PCSK2: variants seen among roughly 807,000 people sequenced by gnomAD.
PCSK2 encodes the protein proprotein convertase subtilisin/kexin type 2, also known as neuroendocrine convertase 2.
A neutral mutation model predicts 69.7 loss-of-function variants in PCSK2; 14 were observed. That is an observed-to-expected ratio of 0.20 (90% CI 0.13 to 0.31). PCSK2 has a LOEUF of 0.31. PCSK2 is among the 10% of genes least tolerant of loss of function. The pLI is 1.00. For missense variants in PCSK2, 544 were observed against 842.5 expected (o/e 0.65, Z 4.39); for synonymous variants, 307 against 320.7 (o/e 0.96, Z 0.46).
chr20:17,378,241 C>T (rs943617264), intron 5 of PCSK2, among the ~76,000 whole-genome samples: 5 of 152,172 alleles, frequency 3.3e-5, no homozygotes, highest in African/African-American at 1.2e-4. Context: ...AAGAATGCAG[C>T]TCACCACATG....
intron 8 of PCSK2, among the ~76,000 whole-genome samples, chr20:17,448,395 T>G (rs1454176875): frequency 6.6e-6 from 1 of 152,208 alleles, no homozygotes; most frequent in East Asian, 1.9e-4. Flanking sequence ...GAATGTCACC[T>G]TAGCTGACGG....
chr20:17,418,379 C>T (rs558465378), intron 6 of PCSK2, among the ~76,000 whole-genome samples: 101 of 152,142 alleles, frequency 6.6e-4, no homozygotes, highest in African/African-American at 2.4e-3. Context: ...GAATGTATCC[C>T]AGGGCAAGGA....
At chr20:17,407,123 A>T (rs2031769712) in intron 5 of PCSK2, among the ~76,000 whole-genome samples, 4 of 152,120 alleles carry the variant, frequency 2.6e-5, no homozygotes, top group African/African-American at 7.2e-5. Flanking sequence ...GGAATGCAGG[A>T]TGGAGCTGCC....
At chr20:17,365,679 T>C (rs2030564854) in intron 4 of PCSK2, among the ~76,000 whole-genome samples, 1 of 152,118 alleles carries the variant, frequency 6.6e-6, no homozygotes, top group South Asian at 2.1e-4. Context: ...GTTTCCAAAA[T>C]ACAATGGTGA....
At chr20:17,301,660 CG>C (rs1989087995) in intron 2 of PCSK2, among the ~76,000 whole-genome samples, 1 of 152,090 alleles carries the variant, frequency 6.6e-6, no homozygotes, top group Non-Finnish European at 1.5e-5. Flanking sequence ...TGACCAGGCA[CG>C]GTGGCTCACG....
chr20:17,479,137 T>C (rs541150367), intron 11 of PCSK2: 472 of 1,362,232 alleles, frequency 3.5e-4, no homozygotes, highest in Non-Finnish European at 4.7e-4. Context: ...GGTCCAGTTC[T>C]CCCATCTTAC....
At chr20:17,383,436 C>A (rs537258072) in intron 5 of PCSK2, among the ~76,000 whole-genome samples, 1 of 152,256 alleles carries the variant, frequency 6.6e-6, no homozygotes, top group Non-Finnish European at 1.5e-5. Flanking sequence ...AAACAGAAAG[C>A]CTCTCTATCC....
chr20:17,440,149 G>A (rs946041341), intron 8 of PCSK2, among the ~76,000 whole-genome samples: 5 of 152,178 alleles, frequency 3.3e-5, no homozygotes, highest in African/African-American at 1.2e-4. Context: ...CAGACTAGTC[G>A]ATGTCTCCAT....
chr20:17,412,825 C>T (rs2031907223), intron 6 of PCSK2, among the ~76,000 whole-genome samples: 1 of 152,204 alleles, frequency 6.6e-6, no homozygotes, highest in African/African-American at 2.4e-5. Flanking sequence ...AGACTAACAG[C>T]AGATCTCTCA....
In PCSK2 at chr20:17,456,331, AT is replaced by A; in HGVS notation, c.1102-15del. 1 of 1,492,348 alleles carries A rather than the reference AT, an allele frequency of 6.7e-7. No homozygotes were observed. The highest frequency in any genetic ancestry group is 9.4e-7 in the Non-Finnish European group (1 of 1,069,222). 92.4% of individuals were successfully genotyped at this position (1,492,348 alleles called of 1,614,324 possible). A position where few individuals can be genotyped will look rare whatever the true frequency, so the allele number is the denominator to read the frequency against. ...AGCGTGATTTATCCACTCATTACTCATTATCTTCCCTTCCAGGCAACCACAG... is the reference window on the plus strand; with the variant it reads ...AGCGTGATTTATCCACTCATTACTCATATCTTCCCTTCCAGGCAACCACAG... On this transcript the variant is annotated splice_polypyrimidine_tract_variant and intron_variant, in intron 9 of 11. Coordinates refer to ENST00000262545, the MANE Select transcript of PCSK2 (RefSeq NM_002594.5).
chr20:17,409,511 C>A (rs953956200), intron 6 of PCSK2, among the ~76,000 whole-genome samples, 172 bp downstream of exon 6: 2 of 152,300 alleles, frequency 1.3e-5, no homozygotes, highest in Middle Eastern at 6.8e-3. Context: ...TTTAATATTA[C>A]AATCTTCCTC....
At chr20:17,417,147 C>G (rs1357648833) in intron 6 of PCSK2, among the ~76,000 whole-genome samples, 1 of 152,192 alleles carries the variant, frequency 6.6e-6, no homozygotes, top group South Asian at 2.1e-4. Flanking sequence ...ACGTTGTGCA[C>G]GTGTACCCTA....
intron 1 of PCSK2, among the ~76,000 whole-genome samples, chr20:17,250,418 G>A (rs8117463): frequency 0.25 from 38,192 of 151,984 alleles, 5,595 homozygotes; most frequent in Non-Finnish European, 0.32. Context: ...GCCCTTCTTA[G>A]TGCATCATAG....
intron 1 of PCSK2, among the ~76,000 whole-genome samples, chr20:17,248,298 G>A (rs1195320846): frequency 1.3e-5 from 2 of 151,578 alleles, no homozygotes; most frequent in Non-Finnish European, 2.9e-5. Context: ...TGAATGTTTG[G>A]GAATCTACCA....
chr20:17,296,025 T>G (rs1301017203), intron 2 of PCSK2, among the ~76,000 whole-genome samples: 1 of 152,204 alleles, frequency 6.6e-6, no homozygotes, highest in Non-Finnish European at 1.5e-5. Context: ...CACAAAGTTA[T>G]AGTTCCATAA....
chr20:17,358,445 G>A lies in PCSK2; in HGVS notation c.396+5G>A, dbSNP rs751073062. On this transcript the variant is annotated splice_donor_5th_base_variant and intron_variant, in intron 3 of 11. Coordinates refer to ENST00000262545, the MANE Select transcript of PCSK2 (RefSeq NM_002594.5). Reference sequence around the variant, plus strand: ...TTTACAAAGCAGTGGTATCTGGTGAGTGTCTTTATGTCCTTTTGGACATTT... The same window carrying A: ...TTTACAAAGCAGTGGTATCTGGTGAATGTCTTTATGTCCTTTTGGACATTT... The A allele has an allele frequency of 7.1e-7, 1 of 1,401,214 alleles. No homozygotes were observed. Among genetic ancestry groups the A allele is most frequent in the Non-Finnish European group, 1.0e-6 (1 of 985,708 alleles). 86.8% of individuals were successfully genotyped at this position (1,401,214 alleles called of 1,614,324 possible).
chr20:17,389,659 G>A lies in PCSK2; in HGVS notation c.544-19604G>A, dbSNP rs535114606. On this transcript the variant is annotated intron_variant, in intron 5 of 11. Transcript: ENST00000262545. ...CTCATTTATCTTATCTCTCTAATCTGGGGAGCTGTGAGGACTAGAATGGGT... is the reference window on the plus strand; with the variant it reads ...CTCATTTATCTTATCTCTCTAATCTAGGGAGCTGTGAGGACTAGAATGGGT... Among the ~76,000 whole-genome samples, 7 of 152,260 alleles carry A rather than the reference G, an allele frequency of 4.6e-5. No homozygotes were observed. In the East Asian group the frequency reaches 1.2e-3, roughly 25 times the overall value.
In PCSK2 at chr20:17,465,540, G is replaced by A. The variant is rs201712596; in HGVS notation, c.1417G>A (p.Val473Met). 2.8e-5 allele frequency: 44 copies of A among 1,590,110 alleles called. No homozygotes were observed. The highest frequency in any genetic ancestry group is 6.8e-5 in the Admixed American group (4 of 58,638). Residue 473 changes from valine (V) to methionine (M), a missense_variant, in exon 11 of 12, where the codon GTG becomes ATG. Transcript: ENST00000262545. The stretch of plus-strand genomic sequence containing the variant: ...GAGATTCCACTGTGTGGGAGGCTCC[G>A]TGCAGGACCCTGAGTAAGTGGGGGT... Reference protein sequence around the residue: ...PERFHCVGGSVQDPEKIPSTG... With the variant: ...PERFHCVGGSMQDPEKIPSTG...
chr20:17,326,808 G>C (rs984398699), intron 2 of PCSK2, among the ~76,000 whole-genome samples: 3 of 152,174 alleles, frequency 2.0e-5, no homozygotes, highest in African/African-American at 7.2e-5. Context: ...GGATTTATTT[G>C]TACCCACCTG....
Sources: gnomAD v4.1 joint callset for allele counts (sites outside exome capture counted in the v4.1 genomes callset) on GRCh38, gnomAD v4.1.1 for gene constraint, MANE v1.5 for transcripts, NCBI Gene and HGNC (gene_info 2026-07-23, HGNC 2026-07-21) for gene names.